The following PAPPA variants were observed in gnomAD, a reference collection of about 807,000 sequenced individuals.
PAPPA encodes pappalysin-1.
A neutral mutation model predicts 164.0 loss-of-function variants in PAPPA; 60 were observed. That is an observed-to-expected ratio of 0.37 (90% CI 0.30 to 0.45). The LOEUF (loss-of-function observed/expected upper bound fraction) is 0.45, where lower values mean the gene tolerates loss of function less well. Among genes scored for constraint, PAPPA ranks in the 20% least tolerant of loss-of-function variants. PAPPA has a pLI of 1.00. For synonymous variants in PAPPA, 875 were observed against 814.1 expected, an observed-to-expected ratio of 1.07 and a Z score of -1.27; for missense variants, 1,782 against 2,087.3, an observed-to-expected ratio of 0.85 and a Z score of 2.85.
intron 1 of PAPPA, among the ~76,000 whole-genome samples, chr9:116,183,733 G>A (rs756048442): frequency 3.0e-4 from 45 of 152,050 alleles, no homozygotes; most frequent in Non-Finnish European, 5.1e-4. Context: ...TTTCTTTTTG[G>A]TTCCATTGAA....
rs899776728 is a variant in PAPPA at position 116,335,084 on chromosome 9, C to A, written c.3611+10C>A. 2 of 1,607,412 alleles carry A rather than the reference C, an allele frequency of 1.2e-6. No individual in the cohort carries two copies. The highest frequency in any genetic ancestry group is 1.7e-6 in the Non-Finnish European group (2 of 1,175,904). On this transcript the variant is annotated intron_variant, in intron 13 of 21. Transcript: ENST00000328252. ...GCCCTGCCGAGCAGAGGTAAGGGATCCGCGGCAGACTCGCCCTAGGCCACT... is the reference window on the plus strand; with the variant it reads ...GCCCTGCCGAGCAGAGGTAAGGGATACGCGGCAGACTCGCCCTAGGCCACT...
intron 1 of PAPPA, among the ~76,000 whole-genome samples, chr9:116,172,806 C>T (rs186278886): frequency 1.3e-5 from 2 of 152,252 alleles, no homozygotes; most frequent in East Asian, 3.9e-4. Context: ...AAATGGTCAC[C>T]ACTTCCAAAC....
intron 1 of PAPPA, among the ~76,000 whole-genome samples, chr9:116,178,661 C>A (rs560184496): frequency 6.6e-6 from 1 of 152,310 alleles, no homozygotes; most frequent in East Asian, 1.9e-4. Flanking sequence ...TGTTGTAACA[C>A]TTGTTTTGTT....
intron 10 of PAPPA, among the ~76,000 whole-genome samples, chr9:116,312,053 C>T (rs900257292): frequency 3.9e-5 from 6 of 152,160 alleles, no homozygotes; most frequent in Non-Finnish European, 8.8e-5. Flanking sequence ...ACTGGTTCTC[C>T]ATGTAGACTA....
chr9:116,226,942 C>G (rs1320642619), intron 5 of PAPPA, among the ~76,000 whole-genome samples: 2 of 152,174 alleles, frequency 1.3e-5, no homozygotes, highest in African/African-American at 2.4e-5. Flanking sequence ...TCATTTAATC[C>G]AGCCCTCTTA....
Position 116,332,408 on chromosome 9 carries a change from C to CA in PAPPA, c.3341dup (p.Gln1115AlafsTer10). 6.2e-7 allele frequency: 1 copy of CA among 1,613,974 alleles called. No homozygotes were observed. Among genetic ancestry groups the CA allele is most frequent in the Non-Finnish European group, 8.5e-7 (1 of 1,179,866 alleles). On this transcript the variant is annotated frameshift_variant, in exon 12 of 22. Coordinates refer to ENST00000328252, the MANE Select transcript of PAPPA (RefSeq NM_002581.5). LOFTEE classifies it high-confidence loss of function. ...GACGGATGGGACATATTATGGGGAC[C>CA]AAAAGCAGGAGACCATCAGCGTGCA... is the stretch of plus-strand genomic sequence containing the variant.
intron 21 of PAPPA, among the ~76,000 whole-genome samples, chr9:116,389,936 A>G (rs933868723): frequency 2.6e-5 from 4 of 152,176 alleles, no homozygotes; most frequent in African/African-American, 9.7e-5. Flanking sequence ...TAATGAGGAT[A>G]AGAATGTGCT....
In PAPPA at chr9:116,193,522, C is replaced by T. The variant is rs548865303; in HGVS notation, c.1478+5306C>T. On this transcript the variant is annotated intron_variant, in intron 2 of 21. Transcript: ENST00000328252. The stretch of plus-strand genomic sequence containing the variant: ...GCCCTCAAGGAGGGGCAGACACTGA[C>T]GCAAACCATCCATTGAGAGGGGGGC... Among the ~76,000 whole-genome samples, 3 of 152,240 alleles carry T rather than the reference C, an allele frequency of 2.0e-5. No homozygotes were observed. In the South Asian group the frequency reaches 6.2e-4, roughly 32 times the overall value.
chr9:116,227,387 T>C lies in PAPPA; in HGVS notation c.2112-44T>C, dbSNP rs1264802847. 16 of 1,611,014 alleles carry C rather than the reference T, an allele frequency of 9.9e-6. No individual in the cohort carries two copies. The African/African-American group carries it at 1.3e-4, about 13-fold the overall frequency. ...TAGTCCCATCAGTTGCTCATTCAAC[T>C]GTTCCTAAGTCGGTGCATTTTCCCT... is the stretch of plus-strand genomic sequence containing the variant. On this transcript the variant is annotated intron_variant, in intron 5 of 21. Coordinates refer to ENST00000328252, the MANE Select transcript of PAPPA (RefSeq NM_002581.5).
chr9:116,154,266 C>G lies in PAPPA; in HGVS notation c.94C>G (p.Pro32Ala). The G allele has an allele frequency of 1.8e-6, 2 of 1,114,332 alleles. No individual in the cohort carries two copies. The highest frequency in any genetic ancestry group is 2.2e-6 in the Non-Finnish European group (2 of 913,776). The allele number at this position is 1,114,332 out of a possible 1,614,324, so 69.0% of individuals were successfully genotyped here. A position where few individuals can be genotyped will look rare whatever the true frequency, so the allele number is the denominator to read the frequency against. ...GCGTCCCCGCCGGGCCCGGAGAGAC[C>G]CGCGGGCCGGCCGACCCCCGCGCCC... ...AERPRRARRD[P>A]RAGRPPRPAA... The change falls in exon 1 of 22, where the codon CCG becomes GCG. Residue 32 changes from proline to alanine, a missense_variant. Physicochemically the swap from Pro to Ala is conservative, Grantham distance 27. Around this residue, in one of 2 missense-constraint regions of PAPPA, gnomAD observed 458 missense variants for 430.3 expected, o/e 1.06. Transcript: ENST00000328252. This position sits in a 1 kb window ranked among gnomAD's most constrained non-coding sequence, Gnocchi z 5.2.
intron 9 of PAPPA, among the ~76,000 whole-genome samples, chr9:116,273,723 G>A (rs113004937): frequency 0.011 from 1,645 of 152,164 alleles, 35 homozygotes; most frequent in African/African-American, 0.038. Context: ...GCAGTGAGCC[G>A]AGATCATGCC....
intron 7 of PAPPA, among the ~76,000 whole-genome samples, chr9:116,242,329 T>C (rs1187711572): frequency 6.6e-6 from 1 of 152,074 alleles, no homozygotes; most frequent in South Asian, 2.1e-4. Flanking sequence ...TGGTTGAAAC[T>C]AAGTGGATGT....
At chr9:116,211,233 T>A (rs754409970) in intron 3 of PAPPA, among the ~76,000 whole-genome samples, 1 of 152,162 alleles carries the variant, frequency 6.6e-6, no homozygotes, top group Non-Finnish European at 1.5e-5. Context: ...GAGGGCTTTG[T>A]CTAGACAAGA....
intron 15 of PAPPA, among the ~76,000 whole-genome samples, chr9:116,351,724 C>T (rs760481278): frequency 2.0e-5 from 3 of 152,180 alleles, no homozygotes; most frequent in Non-Finnish European, 2.9e-5. Context: ...ATACTAAATG[C>T]ACTGTTTATA....
rs776442634 is a variant in PAPPA at position 116,396,511 on chromosome 9, C to T, written c.4779C>T (p.Val1593=). ...CCTSTVKTKK[V]TPFPMSCDLQ... ...TGATTCACTTCTTCTTTCTGCAGGTCACCCCATTCCCTATGTCCTGTGATC... is the reference window on the plus strand; with the variant it reads ...TGATTCACTTCTTCTTTCTGCAGGTTACCCCATTCCCTATGTCCTGTGATC... The change falls in exon 22 of 22, where the codon GTC becomes GTT. Residue 1593 remains valine, a splice_region_variant and synonymous_variant. Transcript: ENST00000328252. 1 of 780,554 alleles carries T rather than the reference C, an allele frequency of 1.3e-6. No individual in the cohort carries two copies. Among genetic ancestry groups the T allele is most frequent in the South Asian group, 1.3e-5 (1 of 74,528 alleles). 48.4% of individuals were successfully genotyped at this position (780,554 alleles called of 1,614,324 possible). A position where few individuals can be genotyped will look rare whatever the true frequency, so the allele number is the denominator to read the frequency against.
chr9:116,279,698 T>A (rs930507258), intron 9 of PAPPA, among the ~76,000 whole-genome samples: 2 of 152,182 alleles, frequency 1.3e-5, no homozygotes, highest in African/African-American at 4.8e-5. Context: ...GACTTCATTG[T>A]GATATTTAAA....
intron 7 of PAPPA, among the ~76,000 whole-genome samples, chr9:116,242,861 C>CT (rs148892087): frequency 0.016 from 2,363 of 152,254 alleles, 57 homozygotes; most frequent in African/African-American, 0.051. Flanking sequence ...TTTCTTTGCA[C>CT]TTTTTTACCC....
intron 2 of PAPPA, among the ~76,000 whole-genome samples, chr9:116,189,839 C>T (rs888958263): frequency 2.0e-5 from 3 of 152,174 alleles, no homozygotes; most frequent in Non-Finnish European, 2.9e-5. Flanking sequence ...GCCTCCCGTG[C>T]GTGAACAAAA....
chr9:116,368,466 C>T (rs1846531065), intron 19 of PAPPA, among the ~76,000 whole-genome samples: 2 of 152,200 alleles, frequency 1.3e-5, no homozygotes, highest in African/African-American at 4.8e-5. Flanking sequence ...GTGTGCTTCC[C>T]ACAGTGCCAG....
Sources: allele counts gnomAD v4.1 joint callset (sites outside exome capture counted in the v4.1 genomes callset), GRCh38; gene constraint gnomAD v4.1.1; regional missense constraint gnomAD v4.1.1; non-coding constraint Gnocchi (gnomAD v3.1); transcripts MANE v1.5; gene names NCBI Gene and HGNC (gene_info 2026-07-23, HGNC 2026-07-21).